The following LRP1B variants were observed in gnomAD, a reference collection of about 807,000 sequenced individuals.
LRP1B encodes low-density lipoprotein receptor-related protein 1B.
A neutral mutation model predicts 556.6 loss-of-function variants in LRP1B; 217 were observed. The observed-to-expected ratio is 0.39, with a 90% CI of 0.35 to 0.44. LRP1B has a LOEUF of 0.44. Among genes scored for constraint, LRP1B ranks in the 20% least tolerant of loss-of-function variants. LRP1B has a pLI of 1.00. For missense variants in LRP1B, 5,053 were observed against 5,620.8 expected, an observed-to-expected ratio of 0.90 and a Z score of 3.23; for synonymous variants, 2,047 against 1,865.8, an observed-to-expected ratio of 1.10 and a Z score of -2.50.
chr2:140,948,541 G>A (rs943817396), intron 20 of LRP1B, among the ~76,000 whole-genome samples: 4 of 152,134 alleles, frequency 2.6e-5, no homozygotes, highest in African/African-American at 9.7e-5. Context: ...GAGAATGAGA[G>A]ATAATATTAA....
At chr2:141,197,367 A>G (rs1390173227) in intron 6 of LRP1B, among the ~76,000 whole-genome samples, 1 of 151,922 alleles carries the variant, frequency 6.6e-6, no homozygotes, top group Non-Finnish European at 1.5e-5. Flanking sequence ...TTTTACTTAC[A>G]CTCACTTAAA....
rs756395671 is a variant in LRP1B at position 140,989,638 on chromosome 2, A to T, written c.2664T>A (p.Asp888Glu). 1.9e-6 allele frequency: 3 copies of T among 1,612,998 alleles called. No individual in the cohort carries two copies. The African/African-American group carries it at 4.0e-5, about 22-fold the overall frequency. ...GATTATTCTGGCATTTAAACTGATC[A>T]TCAGGACAGCTATGATTGACTGGGA... ...SVNCFNHSCPDDQFKCQNNRC... is the reference protein window; with the variant it reads ...SVNCFNHSCPEDQFKCQNNRC... The change falls in exon 17 of 91, where the codon GAT (aspartate) becomes GAA (glutamate). Residue 888 changes from aspartate (D) to glutamate (E), a missense_variant. This residue lies in a region of LRP1B where 3,619 missense variants were observed against 3,931.9 expected (regional missense o/e 0.92). Coordinates refer to ENST00000389484, the MANE Select transcript of LRP1B (RefSeq NM_018557.3).
intron 7 of LRP1B, among the ~76,000 whole-genome samples, chr2:141,065,676 A>G (rs1699461909): frequency 6.6e-6 from 1 of 151,902 alleles, no homozygotes; most frequent in Non-Finnish European, 1.5e-5. Flanking sequence ...TACCACCCCT[A>G]GGGCTTAGAA....
chr2:140,424,995 T>C (rs1685594858), intron 66 of LRP1B, among the ~76,000 whole-genome samples: 1 of 152,204 alleles, frequency 6.6e-6, no homozygotes, highest in African/African-American at 2.4e-5. Context: ...TTTATCTCTA[T>C]GGTCAACCAC....
At chr2:140,585,335 A>C (rs541530569) in intron 43 of LRP1B, among the ~76,000 whole-genome samples, 1 of 152,202 alleles carries the variant, frequency 6.6e-6, no homozygotes, top group East Asian at 1.9e-4. Context: ...CGGCTTACTA[A>C]ACAACAGGTC....
intron 1 of LRP1B, among the ~76,000 whole-genome samples, chr2:142,018,708 T>C (rs1293719242): frequency 6.6e-6 from 1 of 152,068 alleles, no homozygotes; most frequent in Non-Finnish European, 1.5e-5. Flanking sequence ...CCCATGTCCA[T>C]ATAGATTAAG....
intron 83 of LRP1B, among the ~76,000 whole-genome samples, chr2:140,307,941 T>C (rs992554019): frequency 6.6e-5 from 10 of 151,830 alleles, no homozygotes; most frequent in African/African-American, 2.2e-4. Context: ...TTCTTATTTA[T>C]AGAGCATTCA....
intron 2 of LRP1B, among the ~76,000 whole-genome samples, chr2:141,797,774 A>G (rs529837433): frequency 5.9e-5 from 9 of 152,296 alleles, no homozygotes; most frequent in African/African-American, 1.9e-4. Flanking sequence ...CTTTTGATTA[A>G]ACACAATGAG....
At chr2:140,565,419 T>C (rs1681090154) in intron 43 of LRP1B, among the ~76,000 whole-genome samples, 1 of 152,084 alleles carries the variant, frequency 6.6e-6, no homozygotes, top group African/African-American at 2.4e-5. Context: ...TTTACTTTTC[T>C]ATATTAATAT....
chr2:141,139,051 T>C (rs988520813), intron 7 of LRP1B, among the ~76,000 whole-genome samples: 10 of 151,954 alleles, frequency 6.6e-5, no homozygotes, highest in African/African-American at 2.4e-4. Context: ...TATAGCTAAA[T>C]GAATAGCTTA....
At chr2:141,619,167 G>A (rs1468012126) in intron 2 of LRP1B, among the ~76,000 whole-genome samples, 1 of 152,030 alleles carries the variant, frequency 6.6e-6, no homozygotes, top group East Asian at 1.9e-4. Flanking sequence ...TGCTTTTCTT[G>A]AGCCTTTTTA....
At chr2:140,848,780 C>T (rs1222196338) in intron 29 of LRP1B, among the ~76,000 whole-genome samples, 1 of 152,100 alleles carries the variant, frequency 6.6e-6, no homozygotes, top group Non-Finnish European at 1.5e-5. Flanking sequence ...AAAATAATAA[C>T]TGACCCTGAA....
chr2:141,005,582 A>C, intron 14 of LRP1B, 125 bp from the exon 15 acceptor site: 1 of 724,948 alleles, frequency 1.4e-6, no homozygotes, highest in Non-Finnish European at 2.0e-6. Context: ...TAATATAGTG[A>C]AGATTTCTGT....
At chr2:141,825,448 A>C (rs1467647322) in intron 1 of LRP1B, among the ~76,000 whole-genome samples, 1 of 152,226 alleles carries the variant, frequency 6.6e-6, no homozygotes, top group Non-Finnish European at 1.5e-5. Context: ...GTATCATCAA[A>C]TAAGTCTCTA....
At chr2:140,986,791 A>C (rs1696940003) in intron 17 of LRP1B, among the ~76,000 whole-genome samples, 1 of 152,160 alleles carries the variant, frequency 6.6e-6, no homozygotes, top group South Asian at 2.1e-4. Context: ...TCATTCTATC[A>C]CCAGTGCTTT....
chr2:140,935,724 A>T lies in LRP1B; in HGVS notation c.3137-12577T>A, dbSNP rs1024346257. On this transcript the variant is annotated intron_variant, in intron 20 of 90. Transcript: ENST00000389484. ...CACCAACACACATTATAAGCAAACT[A>T]TCTAAAGAAAAAGAGAAAATCTTGA... is the stretch of plus-strand genomic sequence containing the variant. 2.0e-5 allele frequency among the ~76,000 whole-genome samples: 3 copies of T among 152,114 alleles called. 1 individual carries two copies. Among genetic ancestry groups the T allele is most frequent in the Non-Finnish European group, 4.4e-5 (3 of 68,018 alleles).
intron 2 of LRP1B, among the ~76,000 whole-genome samples, chr2:141,643,772 C>T (rs1292640284): frequency 6.6e-6 from 1 of 152,024 alleles, no homozygotes; most frequent in Non-Finnish European, 1.5e-5. Context: ...GGATAGAGGA[C>T]GATGCTGTGA....
At chr2:141,885,158 T>C (rs1699071202) in intron 1 of LRP1B, among the ~76,000 whole-genome samples, 2 of 152,216 alleles carry the variant, frequency 1.3e-5, no homozygotes, top group Non-Finnish European at 2.9e-5. Context: ...TGCTTTTAAA[T>C]TGACAATAAT....
intron 63 of LRP1B, among the ~76,000 whole-genome samples, chr2:140,448,652 A>T (rs1686764892): frequency 6.6e-6 from 1 of 152,094 alleles, no homozygotes; most frequent in African/African-American, 2.4e-5. Context: ...AATTTCAGTT[A>T]GGGATGGAAA....
Sources: allele counts gnomAD v4.1 joint callset (sites outside exome capture counted in the v4.1 genomes callset), GRCh38; gene constraint gnomAD v4.1.1; regional missense constraint gnomAD v4.1.1; transcripts MANE v1.5; gene names NCBI Gene and HGNC (gene_info 2026-07-23, HGNC 2026-07-21).